Variants in CACHD1 observed in about 807,000 individuals in gnomAD.
CACHD1 encodes the protein VWFA and cache domain-containing protein 1.
A neutral mutation model predicts 138.7 loss-of-function variants in CACHD1; 71 were observed. The observed-to-expected ratio is 0.51, with a 90% CI of 0.42 to 0.62. The LOEUF (loss-of-function observed/expected upper bound fraction) is 0.62, where lower values mean the gene tolerates loss of function less well. CACHD1 is among the 20% of genes least tolerant of loss of function. CACHD1 has a pLI of 0.00. For synonymous variants in CACHD1, 578 were observed against 591.5 expected (o/e 0.98, Z 0.33); for missense variants, 1,389 against 1,625.3 (o/e 0.85, Z 2.50).
intron 4 of CACHD1, among the ~76,000 whole-genome samples, chr1:64,620,613 A>G (rs1489066171): frequency 1.3e-5 from 2 of 152,118 alleles, no homozygotes; most frequent in Non-Finnish European, 2.9e-5. Context: ...CTCACATAAC[A>G]GTTGTTGAAT....
intron 1 of CACHD1, among the ~76,000 whole-genome samples, chr1:64,502,065 T>C (rs1646343176): frequency 6.6e-6 from 1 of 152,214 alleles, no homozygotes; most frequent in Non-Finnish European, 1.5e-5. Flanking sequence ...GTTAATTGTT[T>C]TTGGATGTTT....
In CACHD1 at chr1:64,678,279, A is replaced by G; in HGVS notation, c.3213A>G (p.Lys1071=). The part of the protein sequence containing the change: ...KECFGGIVGA[K]SPYVDDMGAI... ...GCTTCGGGGGGATTGTGGGAGCCAA[A>G]AGTCCCTACGTTGATGACATGGGAG... is the stretch of plus-strand genomic sequence containing the variant. Residue 1071 remains lysine (K), a synonymous_variant, in exon 23 of 27, where the codon AAA becomes AAG. Coordinates refer to ENST00000651257, the MANE Select transcript of CACHD1 (RefSeq NM_020925.4). 6.3e-7 allele frequency: 1 copy of G among 1,596,288 alleles called. No homozygotes were observed. The highest frequency in any genetic ancestry group is 8.5e-7 in the Non-Finnish European group (1 of 1,173,926).
intron 22 of CACHD1, among the ~76,000 whole-genome samples, chr1:64,677,327 G>A (rs1488711749): frequency 6.6e-6 from 1 of 152,150 alleles, no homozygotes; most frequent in African/African-American, 2.4e-5. Context: ...AAGGCTCTAG[G>A]TGTGATATTT....
intron 3 of CACHD1, among the ~76,000 whole-genome samples, chr1:64,595,688 T>C (rs1647144875): frequency 6.6e-6 from 1 of 152,232 alleles, no homozygotes; most frequent in Non-Finnish European, 1.5e-5. Flanking sequence ...ACCTGTGCAA[T>C]TTTCCAAGCT....
intron 26 of CACHD1, 138 bp downstream of exon 26, chr1:64,682,244 A>G: frequency 1.4e-6 from 1 of 708,714 alleles, no homozygotes; most frequent in East Asian, 2.7e-5. Flanking sequence ...GCCCGAGGAC[A>G]GTTTTACTTA....
chr1:64,606,228 G>A (rs1020428927), intron 4 of CACHD1, among the ~76,000 whole-genome samples: 2 of 152,088 alleles, frequency 1.3e-5, no homozygotes, highest in African/African-American at 4.8e-5. Flanking sequence ...TCAAGGAAAA[G>A]TAAAGCAGAG....
chr1:64,618,965 T>A (rs1437464844), intron 4 of CACHD1, among the ~76,000 whole-genome samples: 2 of 152,116 alleles, frequency 1.3e-5, no homozygotes, highest in Admixed American at 1.3e-4. Flanking sequence ...TACAAACATG[T>A]TCTGTGTGTC....
intron 4 of CACHD1, among the ~76,000 whole-genome samples, chr1:64,628,263 A>G (rs1295357919): frequency 6.6e-6 from 1 of 152,022 alleles, no homozygotes; most frequent in Non-Finnish European, 1.5e-5. Flanking sequence ...CTTCCTTTTT[A>G]CCTTAGCTCG....
chr1:64,561,169 G>T (rs573256537), intron 2 of CACHD1, among the ~76,000 whole-genome samples: 68 of 141,036 alleles, frequency 4.8e-4, no homozygotes, highest in Middle Eastern at 7.5e-3. Context: ...TTTTTTTTCT[G>T]TTTTTTTTTT....
In CACHD1 at chr1:64,691,354, T is replaced by C; in HGVS notation, c.3618T>C (p.Ser1206=). ...GCACCATGAGCCCACAGGAGGACAG[T>C]GAAAATCCTCCATGCAACAATGACC... The part of the protein sequence containing the change: ...GYSTMSPQED[S]ENPPCNNDPL... The change falls in exon 27 of 27, where the codon AGT becomes AGC. Residue 1206 remains serine (S), a synonymous_variant. Coordinates refer to ENST00000651257, the MANE Select transcript of CACHD1 (RefSeq NM_020925.4). 1 of 1,614,054 alleles carries C rather than the reference T, an allele frequency of 6.2e-7. No homozygotes were observed.
In CACHD1 at chr1:64,612,820, A is replaced by G. The variant is rs141264136; in HGVS notation, c.517+9908A>G. Among the ~76,000 whole-genome samples, 464 of 152,322 alleles carry G rather than the reference A, an allele frequency of 3.0e-3. 2 individuals carry two copies. The highest frequency in any genetic ancestry group is 0.011 in the African/African-American group (440 of 41,564). On this transcript the variant is annotated intron_variant, in intron 4 of 26. Coordinates refer to ENST00000651257, the MANE Select transcript of CACHD1 (RefSeq NM_020925.4). ...CCTGCTAGTACAGTGTCCACTCTGCAGCCAATGGATCAAGGAGTGATTTTT... is the reference window on the plus strand; with the variant it reads ...CCTGCTAGTACAGTGTCCACTCTGCGGCCAATGGATCAAGGAGTGATTTTT...
intron 1 of CACHD1, among the ~76,000 whole-genome samples, chr1:64,519,983 C>G (rs1646486494): frequency 6.6e-6 from 1 of 152,194 alleles, no homozygotes; most frequent in South Asian, 2.1e-4. Context: ...GTATATCAGC[C>G]AGTAGGCACA....
At chr1:64,536,713 A>G (rs1057226665) in intron 1 of CACHD1, among the ~76,000 whole-genome samples, 19 of 152,186 alleles carry the variant, frequency 1.2e-4, no homozygotes, top group African/African-American at 4.6e-4. Flanking sequence ...GTCATTAAAC[A>G]TTTACTGAAC....
At chr1:64,539,248 T>C (rs1451174622) in intron 1 of CACHD1, among the ~76,000 whole-genome samples, 1 of 152,244 alleles carries the variant, frequency 6.6e-6, no homozygotes, top group Non-Finnish European at 1.5e-5. Context: ...ATAAACATTC[T>C]TAAAGCACCT....
At chr1:64,642,089 C>A in intron 8 of CACHD1, 120 bp downstream of exon 8, 1 of 842,314 alleles carries the variant, frequency 1.2e-6, no homozygotes, top group Non-Finnish European at 1.7e-6. Context: ...GAAAAGGCAA[C>A]CAGGCGGCTC....
At chr1:64,582,005 C>T (rs1647016638) in intron 2 of CACHD1, 151 bp from the exon 3 acceptor site, 4 of 829,308 alleles carry the variant, frequency 4.8e-6, no homozygotes, top group Non-Finnish European at 5.5e-6. Context: ...TCTCAACCCA[C>T]ACAGGGGAAT....
intron 4 of CACHD1, among the ~76,000 whole-genome samples, chr1:64,618,953 A>G (rs998203924): frequency 6.6e-6 from 1 of 152,168 alleles, no homozygotes; most frequent in Non-Finnish European, 1.5e-5. Flanking sequence ...TAAGCTTTCC[A>G]TTACAAACAT....
chr1:64,600,764 A>G (rs1647204264), intron 3 of CACHD1, among the ~76,000 whole-genome samples: 1 of 152,256 alleles, frequency 6.6e-6, no homozygotes, highest in Non-Finnish European at 1.5e-5. Context: ...GGCAGTTGAC[A>G]TAGACTTGGG....
intron 2 of CACHD1, among the ~76,000 whole-genome samples, chr1:64,567,932 G>C (rs1314643150): frequency 1.3e-5 from 2 of 152,012 alleles, no homozygotes; most frequent in Admixed American, 1.3e-4. Flanking sequence ...TTAGCGACGA[G>C]CTTTTAGCTC....
Sources: gnomAD v4.1 joint callset for allele counts (sites outside exome capture counted in the v4.1 genomes callset) on GRCh38, gnomAD v4.1.1 for gene constraint, MANE v1.5 for transcripts, NCBI Gene and HGNC (gene_info 2026-07-23, HGNC 2026-07-21) for gene names.